Variants in WDHD1 observed in about 807,000 individuals in gnomAD.
The protein encoded by WDHD1 is WD repeat and HMG-box DNA binding protein 1.
Under a neutral mutation model 135.4 loss-of-function variants are expected in WDHD1, and 111 were observed. The observed-to-expected ratio is 0.82, with a 90% CI of 0.70 to 0.96. The LOEUF (loss-of-function observed/expected upper bound fraction) is 0.96, where lower values mean the gene tolerates loss of function less well. Ranked by LOEUF, WDHD1 falls within the 40% of genes least tolerant of loss-of-function variation. The pLI is 0.00. For synonymous variants in WDHD1, 434 were observed against 439.0 expected, an observed-to-expected ratio of 0.99 and a Z score of 0.14; for missense variants, 1,351 against 1,336.3, an observed-to-expected ratio of 1.01 and a Z score of -0.17.
At chr14:54,980,458 T>A (rs2041599081) in intron 16 of WDHD1, among the ~76,000 whole-genome samples, 1 of 152,156 alleles carries the variant, frequency 6.6e-6, no homozygotes, top group Non-Finnish European at 1.5e-5. Flanking sequence ...TATCATTTTA[T>A]ACATATGCCA....
In WDHD1 at chr14:54,961,345, A is replaced by T. The variant is rs142450321; in HGVS notation, c.2701+1153T>A. Reference sequence around the variant, plus strand: ...TTAAAAAAAATAAAATAAAATAAAAAAAAGACCAAAATCCTTAATATGGCC... The same window carrying T: ...TTAAAAAAAATAAAATAAAATAAAATAAAGACCAAAATCCTTAATATGGCC... On this transcript the variant is annotated intron_variant, in intron 21 of 25. Transcript: ENST00000360586. Among the ~76,000 whole-genome samples the T allele has an allele frequency of 1.8e-3, 276 of 152,218 alleles. 1 individual carries two copies. The highest frequency in any genetic ancestry group is 3.5e-3 in the East Asian group (18 of 5,178).
intron 24 of WDHD1, among the ~76,000 whole-genome samples, chr14:54,950,037 A>T (rs1417341458): frequency 6.6e-6 from 1 of 152,224 alleles, no homozygotes; most frequent in Non-Finnish European, 1.5e-5. Flanking sequence ...CACTGAAAAA[A>T]CATGCCAAAT....
intron 7 of WDHD1, chr14:55,004,920 T>G: frequency 3.8e-6 from 2 of 529,000 alleles, no homozygotes; most frequent in South Asian, 2.8e-5. Context: ...AGGAGGGAAC[T>G]GCTAAATAGG....
chr14:55,024,201 TTC>T (rs1459060534), intron 2 of WDHD1, among the ~76,000 whole-genome samples: 3 of 152,196 alleles, frequency 2.0e-5, no homozygotes, highest in Admixed American at 6.5e-5. Context: ...GCTCACATTT[TTC>T]TCTGAGCTTG....
At chr14:54,949,180 G>T (rs2040992369) in intron 24 of WDHD1, among the ~76,000 whole-genome samples, 1 of 152,162 alleles carries the variant, frequency 6.6e-6, no homozygotes, top group South Asian at 2.1e-4. Context: ...GAGAGAAGAA[G>T]GCTTCAGACG....
intron 16 of WDHD1, 90 bp downstream of exon 16, chr14:54,981,450 A>T (rs2041617345): frequency 1.5e-6 from 2 of 1,295,094 alleles, no homozygotes; most frequent in Non-Finnish European, 2.2e-6. Flanking sequence ...GGACTAAGAT[A>T]AAAGACAAAT....
intron 24 of WDHD1, among the ~76,000 whole-genome samples, chr14:54,955,322 T>C (rs1417520500): frequency 6.6e-6 from 1 of 152,134 alleles, no homozygotes; most frequent in Non-Finnish European, 1.5e-5. Context: ...AAATATAATG[T>C]CCCAATAAAA....
chr14:54,954,899 T>C (rs1466542309), intron 24 of WDHD1, among the ~76,000 whole-genome samples: 1 of 152,174 alleles, frequency 6.6e-6, no homozygotes, highest in East Asian at 1.9e-4. Flanking sequence ...CTGGCTAATT[T>C]TGTATTTTTA....
At chr14:54,975,583 G>A (rs1440281912) in intron 16 of WDHD1, among the ~76,000 whole-genome samples, 1 of 152,124 alleles carries the variant, frequency 6.6e-6, no homozygotes, top group African/African-American at 2.4e-5. Context: ...CCTGACCTCA[G>A]GGTGATCTGC....
chr14:55,025,449 T>C (rs904782508), intron 2 of WDHD1, among the ~76,000 whole-genome samples: 5 of 152,186 alleles, frequency 3.3e-5, no homozygotes, highest in Admixed American at 1.3e-4. Flanking sequence ...CCTAAGTCTC[T>C]CGTTCCACCT....
chr14:54,960,092 ATTCT>A (rs1353324852), intron 21 of WDHD1, among the ~76,000 whole-genome samples: 1 of 152,164 alleles, frequency 6.6e-6, no homozygotes, highest in Non-Finnish European at 1.5e-5. Flanking sequence ...AACTCTGCCC[ATTCT>A]TTCTAACATC....
chr14:55,005,099 G>A, intron 7 of WDHD1: 1 of 534,188 alleles, frequency 1.9e-6, no homozygotes, highest in Non-Finnish European at 3.7e-6. Flanking sequence ...TGTAGAAGTA[G>A]AGATCAGGCA....
Position 54,941,415 on chromosome 14 carries a change from T to C in WDHD1, c.*75A>G, listed in dbSNP as rs967351691. On this transcript the variant is annotated 3_prime_UTR_variant, in exon 26 of 26. Transcript: ENST00000360586. The stretch of plus-strand genomic sequence containing the variant: ...TTTAAAAAATATATATATAATGAGT[T>C]TCCCAAAGACTCGAGTCTATATTCA... 7.2e-6 allele frequency: 9 copies of C among 1,250,050 alleles called. No individual in the cohort carries two copies. In the African/African-American group the frequency reaches 1.2e-4, roughly 17 times the overall value. The allele number at this position is 1,250,050 out of a possible 1,614,324, so 77.4% of individuals were successfully genotyped here.
At chr14:55,022,797 C>T (rs2042371632) in intron 2 of WDHD1, among the ~76,000 whole-genome samples, 1 of 151,162 alleles carries the variant, frequency 6.6e-6, no homozygotes, top group African/African-American at 2.4e-5. Context: ...GAAGCTGATT[C>T]TATTGCCATC....
chr14:54,944,574 A>G, intron 24 of WDHD1, 104 bp from the exon 25 acceptor site: 3 of 1,095,998 alleles, frequency 2.7e-6, no homozygotes, highest in Non-Finnish European at 3.7e-6. Context: ...CATCTATTAT[A>G]TAAAGTAAGG....
chr14:54,982,305 G>T (rs966566207), intron 15 of WDHD1, among the ~76,000 whole-genome samples: 2 of 152,000 alleles, frequency 1.3e-5, no homozygotes, highest in Non-Finnish European at 2.9e-5. Flanking sequence ...CACCGCGCCC[G>T]GCCGATAATA....
chr14:54,970,645 GA>G, intron 16 of WDHD1, among the ~76,000 whole-genome samples: 1 of 145,538 alleles, frequency 6.9e-6, no homozygotes, highest in Non-Finnish European at 1.5e-5. Context: ...AAGAAAGAAA[GA>G]AGAAAGAAAA....
At position 54,955,648 on chromosome 14, in the gene WDHD1, T is replaced by C; in HGVS notation, c.2963A>G (p.Lys988Arg). The C allele has an allele frequency of 6.3e-7, 1 of 1,589,826 alleles. No individual in the cohort carries two copies. Among genetic ancestry groups the C allele is most frequent in the South Asian group, 1.1e-5 (1 of 86,964 alleles). ...ATTTTCTTCTTTCACTTCCTCAGTT[T>C]TATTAGTTTGAGAATTTCTTTTCTG... Reference protein sequence around the residue: ...YFQKRNSQTNKTEEVKEENLK... With the variant: ...YFQKRNSQTNRTEEVKEENLK... Residue 988 changes from lysine (K) to arginine (R), a missense_variant, in exon 24 of 26, where the codon AAA (lysine) becomes AGA (arginine). Lys to Arg is a conservative substitution (Grantham distance 26, BLOSUM62 2). Coordinates refer to ENST00000360586, the MANE Select transcript of WDHD1 (RefSeq NM_007086.4).
intron 16 of WDHD1, among the ~76,000 whole-genome samples, chr14:54,976,388 G>A (rs1212267784): frequency 6.6e-6 from 1 of 151,966 alleles, no homozygotes; most frequent in African/African-American, 2.4e-5. Context: ...TGCCTGGCAG[G>A]GTCTCTCTAT....
Sources: allele counts gnomAD v4.1 joint callset (sites outside exome capture counted in the v4.1 genomes callset), GRCh38; gene constraint gnomAD v4.1.1; transcripts MANE v1.5; gene names NCBI Gene and HGNC (gene_info 2026-07-23, HGNC 2026-07-21).